ANKRD33B: variants seen among roughly 807,000 people sequenced by gnomAD.
The protein encoded by ANKRD33B is ankyrin repeat domain-containing protein 33B.
Under a neutral mutation model 21.5 loss-of-function variants are expected in ANKRD33B, and 6 were observed. The ratio of observed to expected loss-of-function variants is 0.28; its 90% confidence interval spans 0.15 to 0.55. The LOEUF (loss-of-function observed/expected upper bound fraction) is 0.55, where lower values mean the gene tolerates loss of function less well. ANKRD33B is among the 20% of genes least tolerant of loss of function. ANKRD33B has a pLI of 0.94. For synonymous variants in ANKRD33B, 347 were observed against 342.4 expected (o/e 1.01, Z -0.15); for missense variants, 698 against 747.2 (o/e 0.93, Z 0.77).
chr5:10,641,538 C>G (rs1352478188), intron 3 of ANKRD33B, among the ~76,000 whole-genome samples: 2 of 151,990 alleles, frequency 1.3e-5, no homozygotes, highest in Non-Finnish European at 2.9e-5. Flanking sequence ...CCCTCATCTT[C>G]TTGGGTCTGT....
intron 1 of ANKRD33B, among the ~76,000 whole-genome samples, chr5:10,567,705 G>A (rs981710629): frequency 2.0e-5 from 3 of 152,218 alleles, no homozygotes; most frequent in African/African-American, 4.8e-5. Context: ...CATTTAGAGA[G>A]CAGGTGACGT....
At chr5:10,638,308 T>C in intron 3 of ANKRD33B, 140 bp downstream of exon 3, 1 of 1,154,420 alleles carries the variant, frequency 8.7e-7, no homozygotes, top group South Asian at 1.6e-5. Flanking sequence ...TTCACTGACA[T>C]ATACTTCTGT....
rs1249617749 is a variant in ANKRD33B, at chr5:10,575,150, C to T, written c.366+10317C>T. 1.6e-3 allele frequency among the ~76,000 whole-genome samples: 19 copies of T among 12,152 alleles called. 7 individuals are homozygous for T. The highest frequency in any genetic ancestry group is 2.1e-3 in the African/African-American group (19 of 8,886). The allele number at this position is 12,152 out of a possible 152,430, so 8.0% of individuals were successfully genotyped here. A position where few individuals can be genotyped will look rare whatever the true frequency, so the allele number is the denominator to read the frequency against. On this transcript the variant is annotated intron_variant, in intron 1 of 3. Transcript: ENST00000296657. The stretch of plus-strand genomic sequence containing the variant: ...TTAAGAGTCTTGCTGGCAGGCTGGG[C>T]GCGGTGGCTCACACCTGTAATGCCA...
intron 3 of ANKRD33B, among the ~76,000 whole-genome samples, chr5:10,641,809 AAAAC>A (rs993129058): frequency 2.6e-5 from 4 of 152,316 alleles, no homozygotes; most frequent in African/African-American, 9.6e-5. Context: ...AATAAAAAAA[AAAAC>A]ATAATTAAAA....
intron 2 of ANKRD33B, chr5:10,624,864 C>T (rs1736508715): frequency 2.2e-6 from 1 of 454,006 alleles, no homozygotes; most frequent in African/African-American, 2.0e-5. Context: ...AGGCCCTGCC[C>T]CTGGAGTCTT....
In ANKRD33B at chr5:10,619,111, A is replaced by G. The variant is rs1211271970; in HGVS notation, c.496+649A>G. ...TTTTTTGAGGACAGACATGAAACCT[A>G]TGCTTGCCTCTTCATAATCACACTT... is the stretch of plus-strand genomic sequence containing the variant. On this transcript the variant is annotated intron_variant, in intron 2 of 3. Coordinates refer to ENST00000296657, the MANE Select transcript of ANKRD33B (RefSeq NM_001164440.2). The surrounding 1 kb of genome is among the most constrained non-coding windows in gnomAD (Gnocchi z 4.5). 2.0e-5 allele frequency among the ~76,000 whole-genome samples: 3 copies of G among 152,152 alleles called. No homozygotes were observed. Among genetic ancestry groups the G allele is most frequent in the Non-Finnish European group, 2.9e-5 (2 of 68,034 alleles).
At chr5:10,609,350 C>T (rs1032041061) in intron 1 of ANKRD33B, among the ~76,000 whole-genome samples, 18 of 151,932 alleles carry the variant, frequency 1.2e-4, no homozygotes, top group African/African-American at 2.9e-4. Context: ...CCCAGGAGTT[C>T]GAGACCAGCC....
chr5:10,631,926 C>T lies in ANKRD33B; in HGVS notation c.497-6102C>T, dbSNP rs907206070. Reference sequence around the variant, plus strand: ...CGGTTGTTTCATCCAAATTGCAGAACGGCGGGGCAGCATCAGGCGGTTGGT... The same window carrying T: ...CGGTTGTTTCATCCAAATTGCAGAATGGCGGGGCAGCATCAGGCGGTTGGT... On this transcript the variant is annotated intron_variant, in intron 2 of 3. Coordinates refer to ENST00000296657, the MANE Select transcript of ANKRD33B (RefSeq NM_001164440.2). 1.3e-4 allele frequency among the ~76,000 whole-genome samples: 20 copies of T among 152,310 alleles called. No individual in the cohort carries two copies. In the South Asian group the frequency reaches 2.3e-3, roughly 17 times the overall value.
Position 10,650,193 on chromosome 5 carries a change from C to A in ANKRD33B, c.*80C>A. The A allele has an allele frequency of 1.5e-6, 2 of 1,361,614 alleles. No individual in the cohort carries two copies. The highest frequency in any genetic ancestry group is 1.9e-6 in the Non-Finnish European group (2 of 1,051,548). The allele number at this position is 1,361,614 out of a possible 1,614,324, so 84.3% of individuals were successfully genotyped here. A position where few individuals can be genotyped will look rare whatever the true frequency, so the allele number is the denominator to read the frequency against. On this transcript the variant is annotated 3_prime_UTR_variant, in exon 4 of 4. Coordinates refer to ENST00000296657, the MANE Select transcript of ANKRD33B (RefSeq NM_001164440.2). ...GCTGGGCGCGGAGAAGGAGGCGGCC[C>A]CGTTGCGCATCGCACCACTTCCGCT...
At chr5:10,606,534 G>C (rs901984825) in intron 1 of ANKRD33B, among the ~76,000 whole-genome samples, 8 of 152,058 alleles carry the variant, frequency 5.3e-5, no homozygotes, top group South Asian at 2.1e-4. Flanking sequence ...AAGAGATCGA[G>C]ACCATCCTGG....
At chr5:10,648,867 A>G (rs1459679380) in intron 3 of ANKRD33B, among the ~76,000 whole-genome samples, 3 of 152,218 alleles carry the variant, frequency 2.0e-5, no homozygotes, top group African/African-American at 7.2e-5. Flanking sequence ...ACGGTGGCTC[A>G]CGCCCGTAAT....
chr5:10,588,285 A>T (rs1434406727), intron 1 of ANKRD33B, among the ~76,000 whole-genome samples: 3 of 152,202 alleles, frequency 2.0e-5, no homozygotes, highest in Non-Finnish European at 4.4e-5. Context: ...TAGCACCTTC[A>T]TGAGGGCACC....
In ANKRD33B at chr5:10,638,032, C is replaced by T. The variant is rs1160160525; in HGVS notation, c.501C>T (p.His167=). ...TALITAAQAG[H]AIITNYLLNY... is the part of the protein sequence containing the mutation. ...CGTGTACACTTCTCTTTACAGGGCA[C>T]GCTATCATCACTAACTACTTGTTGA... Residue 167 remains histidine, a synonymous_variant, in exon 3 of 4, where the codon CAC becomes CAT. Coordinates refer to ENST00000296657, the MANE Select transcript of ANKRD33B (RefSeq NM_001164440.2). The T allele has an allele frequency of 7.2e-6, 11 of 1,537,364 alleles. No homozygotes were observed. The highest frequency in any genetic ancestry group is 4.1e-5 in the African/African-American group (3 of 73,008).
intron 1 of ANKRD33B, among the ~76,000 whole-genome samples, chr5:10,577,076 T>TTTCCCCTTTCCCTTTCCC (rs1186083493): frequency 1.4e-4 from 22 of 151,762 alleles, no homozygotes; most frequent in Admixed American, 9.2e-4. Context: ...TTCCCTTCCC[T>TTTCCCCTTTCCCTTTCCC]TTCCCCTTTC....
chr5:10,583,451 C>T (rs771823447), intron 1 of ANKRD33B, among the ~76,000 whole-genome samples: 11 of 152,212 alleles, frequency 7.2e-5, no homozygotes, highest in Non-Finnish European at 1.5e-4. Flanking sequence ...CTGTGCATGG[C>T]AAGGTGCTGA....
chr5:10,571,449 A>G (rs1420489705), intron 1 of ANKRD33B, among the ~76,000 whole-genome samples: 10 of 152,022 alleles, frequency 6.6e-5, no homozygotes, highest in Admixed American at 6.5e-4. Flanking sequence ...TGATTCACCC[A>G]CCTCAGCCTC....
At chr5:10,598,520 G>A (rs536220687) in intron 1 of ANKRD33B, among the ~76,000 whole-genome samples, 47 of 152,268 alleles carry the variant, frequency 3.1e-4, no homozygotes, top group South Asian at 4.2e-4. Context: ...ATCCGCCTCG[G>A]CCTCCCAAAG....
At chr5:10,586,628 A>C (rs543215143) in intron 1 of ANKRD33B, among the ~76,000 whole-genome samples, 44 of 152,034 alleles carry the variant, frequency 2.9e-4, no homozygotes, top group African/African-American at 9.7e-4. Context: ...GTGCTGAATA[A>C]GTTTTGCTGT....
intron 1 of ANKRD33B, 28 bp downstream of exon 1, chr5:10,564,861 G>GC (rs1735010719): frequency 5.4e-6 from 8 of 1,473,698 alleles, no homozygotes; most frequent in Non-Finnish European, 6.3e-6. Context: ...CAGGATTTGA[G>GC]CCCCCTCACT....
Sources: gnomAD v4.1 joint callset for allele counts (sites outside exome capture counted in the v4.1 genomes callset) on GRCh38, gnomAD v4.1.1 for gene constraint, Gnocchi (gnomAD v3.1) non-coding constraint, MANE v1.5 for transcripts, NCBI Gene and HGNC (gene_info 2026-07-23, HGNC 2026-07-21) for gene names.